The following HIPK2 variants were observed in gnomAD, a reference collection of about 807,000 sequenced individuals.
HIPK2 encodes homeodomain-interacting protein kinase 2.
A neutral mutation model predicts 113.7 loss-of-function variants in HIPK2; 27 were observed. The ratio of observed to expected loss-of-function variants is 0.24; its 90% CI spans 0.17 to 0.33. The LOEUF (loss-of-function observed/expected upper bound fraction) is 0.33. Among genes scored for constraint, HIPK2 ranks in the 10% least tolerant of loss-of-function variants. The pLI is 1.00. For synonymous variants in HIPK2, 631 were observed against 642.2 expected, an observed-to-expected ratio of 0.98 and a Z score of 0.26; for missense variants, 1,257 against 1,588.0, an observed-to-expected ratio of 0.79 and a Z score of 3.54.
intron 2 of HIPK2, among the ~76,000 whole-genome samples, chr7:139,673,882 TACTAAAAAA>T: frequency 1.4e-5 from 1 of 70,318 alleles, no homozygotes; most frequent in Non-Finnish European, 2.6e-5. Context: ...ACCCTATCTG[TACTAAAAAA>T]AAAAAAAAAA....
In HIPK2 at chr7:139,610,649, A is replaced by C. The variant is rs145886475; in HGVS notation, c.2112+2553T>G. On this transcript the variant is annotated intron_variant, in intron 9 of 14. Transcript: ENST00000406875. ...TGTCATTCTGGACCTAAGCACAGAG[A>C]TGAAGAATACTTCATATCGATCTTA... Among the ~76,000 whole-genome samples the C allele has an allele frequency of 4.2e-3, 637 of 152,336 alleles. 3 individuals carry two copies. Among genetic ancestry groups the C allele is most frequent in the African/African-American group, 0.014 (602 of 41,544 alleles).
At position 139,731,758 on chromosome 7, in the gene HIPK2, C is replaced by A. The variant is rs934824845; in HGVS notation, c.20-14743G>T. On this transcript the variant is annotated intron_variant, in intron 1 of 14. Transcript: ENST00000406875. ...CTTTAAATACAGGATTCATTTCATC[C>A]CCTTCTTAAAGCACAATAATCCATC... Among the ~76,000 whole-genome samples, 4 of 152,276 alleles carry A rather than the reference C, an allele frequency of 2.6e-5. No individual in the cohort carries two copies. In the East Asian group the frequency reaches 7.7e-4, roughly 29 times the overall value.
At chr7:139,623,043 C>A (rs1273180753) in intron 6 of HIPK2, among the ~76,000 whole-genome samples, 1 of 152,214 alleles carries the variant, frequency 6.6e-6, no homozygotes, top group Non-Finnish European at 1.5e-5. Flanking sequence ...CTGTAGAGGG[C>A]ACCCCTATCC....
chr7:139,714,270 A>C lies in HIPK2; in HGVS notation c.1103+1662T>G, dbSNP rs986745933. Among the ~76,000 whole-genome samples, 3 of 152,200 alleles carry C rather than the reference A, an allele frequency of 2.0e-5. No homozygotes were observed. The highest frequency in any genetic ancestry group is 7.2e-5 in the African/African-American group (3 of 41,438). On this transcript the variant is annotated intron_variant, in intron 2 of 14. Transcript: ENST00000406875. The surrounding 1 kb of genome is among the most constrained non-coding windows in gnomAD (Gnocchi z 4.2). The stretch of plus-strand genomic sequence containing the variant: ...GAAATGCCTCCTAAAGGGAAGAGGG[A>C]AGAGACAGAAACAGCATGGGTGAAG...
At chr7:139,650,466 GT>G (rs528006115) in intron 2 of HIPK2, among the ~76,000 whole-genome samples, 239 of 144,152 alleles carry the variant, frequency 1.7e-3, no homozygotes, top group Admixed American at 1.5e-3. Context: ...TTCCCTTCGG[GT>G]TTTTTTTTTT....
intron 2 of HIPK2, among the ~76,000 whole-genome samples, chr7:139,649,577 G>A (rs1046082790): frequency 6.6e-6 from 1 of 152,000 alleles, no homozygotes; most frequent in Non-Finnish European, 1.5e-5. Flanking sequence ...CCTGCTGTTA[G>A]AATTCGGGGG....
At chr7:139,720,999 T>C (rs1328649162) in intron 1 of HIPK2, among the ~76,000 whole-genome samples, 1 of 152,222 alleles carries the variant, frequency 6.6e-6, no homozygotes, top group Non-Finnish European at 1.5e-5. Flanking sequence ...AAATCATCAC[T>C]GGCTGCCTCT....
chr7:139,769,226 A>G (rs2117169639), intron 1 of HIPK2, among the ~76,000 whole-genome samples: 1 of 126,086 alleles, frequency 7.9e-6, no homozygotes, highest in East Asian at 2.5e-4. Context: ...CCCCAACAGC[A>G]GCCCTGCCCC....
chr7:139,643,218 G>A (rs892121830), intron 2 of HIPK2, among the ~76,000 whole-genome samples: 1 of 152,160 alleles, frequency 6.6e-6, no homozygotes, highest in African/African-American at 2.4e-5. Flanking sequence ...TTGCAGTTGG[G>A]TCTAGATGTT....
chr7:139,716,160 T>C lies in HIPK2; in HGVS notation c.875A>G (p.Lys292Arg), dbSNP rs761865721. The C allele has an allele frequency of 1.2e-6, 2 of 1,614,018 alleles. No homozygotes were observed. The highest frequency in any genetic ancestry group is 4.5e-5 in the East Asian group (2 of 44,886). ...QNLYDFLKQN[K>R]FSPLPLKYIR... ...GTATTTGAGGGGCAAGGGGCTAAAC[T>C]TGTTTTGCTTCAGAAAGTCATAGAG... The change falls in exon 2 of 15, where the codon AAG becomes AGG. Residue 292 changes from lysine (K) to arginine (R), a missense_variant. Around this residue, in one of 5 missense-constraint regions of HIPK2, gnomAD observed 24 missense variants for 18.1 expected, o/e 1.33. Transcript: ENST00000406875. This position sits in a 1 kb window ranked among gnomAD's most constrained non-coding sequence, Gnocchi z 9.3.
intron 7 of HIPK2, among the ~76,000 whole-genome samples, chr7:139,616,546 A>T (rs1800049025): frequency 6.6e-6 from 1 of 152,186 alleles, no homozygotes; most frequent in Non-Finnish European, 1.5e-5. Flanking sequence ...CTTTCCCTTC[A>T]TACAAGCTCT....
chr7:139,573,198 G>A lies in HIPK2; in HGVS notation c.3326C>T (p.Ala1109Val). Reference sequence around the variant, plus strand: ...CACGGTGCCGGTGGAGCCCAGGGCCGCCGGCGCAGTGTAGGTGTAGAGGTG... The same window carrying A: ...CACGGTGCCGGTGGAGCCCAGGGCCACCGGCGCAGTGTAGGTGTAGAGGTG... ...QPHLYTYTAP[A>V]ALGSTGTVAH... The change falls in exon 15 of 15, where the codon GCG (alanine) becomes GTG (valine). Residue 1109 changes from alanine to valine, a missense_variant. Coordinates refer to ENST00000406875, the MANE Select transcript of HIPK2 (RefSeq NM_022740.5). 6 of 1,606,868 alleles carry A rather than the reference G, an allele frequency of 3.7e-6. No homozygotes were observed. The highest frequency in any genetic ancestry group is 1.3e-5 in the African/African-American group (1 of 74,982).
intron 9 of HIPK2, among the ~76,000 whole-genome samples, chr7:139,611,447 C>A (rs1294046408): frequency 6.6e-6 from 1 of 151,922 alleles, no homozygotes; most frequent in African/African-American, 2.4e-5. Context: ...GATTAAGGAA[C>A]AAAAAGCATA....
At chr7:139,729,400 T>C (rs1341544694) in intron 1 of HIPK2, among the ~76,000 whole-genome samples, 1 of 141,534 alleles carries the variant, frequency 7.1e-6, no homozygotes, top group Non-Finnish European at 1.5e-5. Context: ...GAGTGGCTTA[T>C]TAATAACACA....
At chr7:139,580,226 T>C (rs1306401625) in intron 13 of HIPK2, among the ~76,000 whole-genome samples, 1 of 152,104 alleles carries the variant, frequency 6.6e-6, no homozygotes, top group East Asian at 1.9e-4. Flanking sequence ...TTCCTGGGCA[T>C]TTTGTGGTAA....
At chr7:139,700,993 A>T (rs1198768115) in intron 2 of HIPK2, among the ~76,000 whole-genome samples, 2 of 152,266 alleles carry the variant, frequency 1.3e-5, no homozygotes, top group Non-Finnish European at 2.9e-5. Context: ...GGAAAAATTT[A>T]AAAATAGCAC....
At chr7:139,705,712 G>C (rs1387301149) in intron 2 of HIPK2, among the ~76,000 whole-genome samples, 1 of 151,902 alleles carries the variant, frequency 6.6e-6, no homozygotes, top group Non-Finnish European at 1.5e-5. Flanking sequence ...AAAGGTTTGG[G>C]AACCTGCCTG....
At chr7:139,775,692 C>T (rs943667132) in intron 1 of HIPK2, among the ~76,000 whole-genome samples, 1 of 152,130 alleles carries the variant, frequency 6.6e-6, no homozygotes, top group Non-Finnish European at 1.5e-5. Context: ...AACCGTAACA[C>T]CCTACACACC....
intron 1 of HIPK2, among the ~76,000 whole-genome samples, chr7:139,774,900 A>G (rs1796714725): frequency 6.6e-6 from 1 of 152,182 alleles, no homozygotes; most frequent in Non-Finnish European, 1.5e-5. Flanking sequence ...CTATTTATAA[A>G]CCTATCCTTC....
Sources: allele counts gnomAD v4.1 joint callset (sites outside exome capture counted in the v4.1 genomes callset), GRCh38; gene constraint gnomAD v4.1.1; regional missense constraint gnomAD v4.1.1; non-coding constraint Gnocchi (gnomAD v3.1); transcripts MANE v1.5; gene names NCBI Gene and HGNC (gene_info 2026-07-23, HGNC 2026-07-21).